Variants in CTNND2 observed in about 807,000 individuals in gnomAD.
CTNND2 encodes catenin delta 2.
Under a neutral mutation model 144.4 loss-of-function variants are expected in CTNND2, and 22 were observed. The observed-to-expected ratio is 0.15, with a 90% CI of 0.11 to 0.22. The LOEUF (loss-of-function observed/expected upper bound fraction) is 0.22. Among genes scored for constraint, CTNND2 ranks in the 10% least tolerant of loss-of-function variants. CTNND2 has a pLI of 1.00. For synonymous variants in CTNND2, 751 were observed against 695.6 expected (o/e 1.08, Z -1.25); for missense variants, 1,353 against 1,618.8 (o/e 0.84, Z 2.82).
chr5:11,797,094 T>TAA (rs1217996167), intron 1 of CTNND2, among the ~76,000 whole-genome samples: 1 of 152,112 alleles, frequency 6.6e-6, no homozygotes, highest in African/African-American at 2.4e-5. Flanking sequence ...ATGGCAAAAT[T>TAA]AACTGAGGAA....
rs541113158 is a variant in CTNND2, at chr5:11,631,072, A to G, written c.175-66016T>C. Among the ~76,000 whole-genome samples the G allele has an allele frequency of 5.9e-5, 9 of 152,278 alleles. No homozygotes were observed. In the East Asian group the frequency reaches 1.4e-3, roughly 23 times the overall value. ...GAGATCAATTTTGATGTAGTAATAT[A>G]ATGTCACTTTTTCCCCTTAGGATTT... is the stretch of plus-strand genomic sequence containing the variant. On this transcript the variant is annotated intron_variant, in intron 2 of 21. Coordinates refer to ENST00000304623, the MANE Select transcript of CTNND2 (RefSeq NM_001332.4).
chr5:11,101,171 T>C (rs2149670186), intron 14 of CTNND2, among the ~76,000 whole-genome samples: 1 of 152,350 alleles, frequency 6.6e-6, no homozygotes, highest in Middle Eastern at 3.4e-3. Flanking sequence ...AGTAAATGTA[T>C]CTGCCAGACC....
At chr5:11,247,349 C>T (rs1743106883) in intron 9 of CTNND2, among the ~76,000 whole-genome samples, 1 of 152,044 alleles carries the variant, frequency 6.6e-6, no homozygotes, top group Non-Finnish European at 1.5e-5. Context: ...AGAAAGAGGC[C>T]CTCTGTGAGA....
intron 8 of CTNND2, among the ~76,000 whole-genome samples, chr5:11,361,145 C>T (rs572748184): frequency 9.9e-5 from 15 of 152,226 alleles, no homozygotes; most frequent in African/African-American, 2.6e-4. Flanking sequence ...CTCAGCATCC[C>T]GAGTAGCTGG....
chr5:11,603,401 C>A (rs1779898798), intron 2 of CTNND2, among the ~76,000 whole-genome samples: 1 of 152,170 alleles, frequency 6.6e-6, no homozygotes, highest in Admixed American at 6.6e-5. Context: ...CAATTTTCAA[C>A]TTTGCTGCCC....
intron 9 of CTNND2, among the ~76,000 whole-genome samples, chr5:11,295,388 G>A (rs185765237): frequency 0.076 from 11,622 of 151,950 alleles, 562 homozygotes; most frequent in Admixed American, 0.12. Context: ...AATCAATATC[G>A]TGAAAATGGC....
intron 2 of CTNND2, among the ~76,000 whole-genome samples, chr5:11,578,706 G>T (rs866770584): frequency 2.5e-5 from 3 of 120,288 alleles, no homozygotes; most frequent in Admixed American, 8.1e-5. Flanking sequence ...TAAATAAATA[G>T]AGTAGTGAAC....
At chr5:11,836,466 T>C (rs1248739892) in intron 1 of CTNND2, among the ~76,000 whole-genome samples, 2 of 151,996 alleles carry the variant, frequency 1.3e-5, no homozygotes, top group Admixed American at 6.6e-5. Context: ...CATGACACTA[T>C]GGTTCTGCAA....
At chr5:11,325,662 G>A (rs912819986) in intron 9 of CTNND2, among the ~76,000 whole-genome samples, 1 of 152,064 alleles carries the variant, frequency 6.6e-6, no homozygotes, top group African/African-American at 2.4e-5. Context: ...GGACCCTACA[G>A]GAGCCTTGAA....
intron 2 of CTNND2, among the ~76,000 whole-genome samples, chr5:11,614,256 T>C (rs1384318160): frequency 6.9e-4 from 105 of 152,338 alleles, no homozygotes; most frequent in Non-Finnish European, 8.8e-5. Context: ...AAATAAAATA[T>C]CTTTAATTTA....
chr5:11,815,938 T>C (rs1792609175), intron 1 of CTNND2, among the ~76,000 whole-genome samples: 1 of 152,150 alleles, frequency 6.6e-6, no homozygotes, highest in Admixed American at 6.5e-5. Context: ...GTCTCCAAGA[T>C]ACCCACTGAG....
chr5:11,357,688 T>A (rs113344334), intron 8 of CTNND2, among the ~76,000 whole-genome samples: 11 of 152,232 alleles, frequency 7.2e-5, no homozygotes, highest in African/African-American at 2.6e-4. Flanking sequence ...GGCTTTTGAA[T>A]GTTCTCACCA....
At chr5:11,469,272 A>G (rs553496527) in intron 3 of CTNND2, among the ~76,000 whole-genome samples, 18 of 152,186 alleles carry the variant, frequency 1.2e-4, no homozygotes, top group Non-Finnish European at 2.1e-4. Context: ...TGGAAATCAG[A>G]TATGTATTAA....
chr5:11,467,136 G>A (rs1176870841), intron 3 of CTNND2, among the ~76,000 whole-genome samples: 1 of 152,236 alleles, frequency 6.6e-6, no homozygotes, highest in African/African-American at 2.4e-5. Flanking sequence ...TCATCTGTAA[G>A]AGATCCATAG....
intron 3 of CTNND2, among the ~76,000 whole-genome samples, chr5:11,474,569 G>C (rs899186571): frequency 6.6e-6 from 1 of 152,140 alleles, no homozygotes; most frequent in Admixed American, 6.5e-5. Flanking sequence ...TTTTCTTTAA[G>C]GGTAAATCAG....
intron 16 of CTNND2, among the ~76,000 whole-genome samples, chr5:11,060,464 T>C (rs1860241): frequency 0.76 from 115,230 of 152,018 alleles, 44,283 homozygotes; most frequent in East Asian, 0.92. Context: ...ATGTGACCAT[T>C]CGGAATAATA....
chr5:11,250,709 G>A (rs1042656206), intron 9 of CTNND2, among the ~76,000 whole-genome samples: 1 of 151,562 alleles, frequency 6.6e-6, no homozygotes, highest in African/African-American at 2.4e-5. Context: ...TACAGACAGG[G>A]TCTCACTAGG....
At chr5:10,975,220 C>T (rs61752736) in intron 21 of CTNND2, among the ~76,000 whole-genome samples, 32 of 152,262 alleles carry the variant, frequency 2.1e-4, no homozygotes, top group African/African-American at 7.0e-4. Flanking sequence ...TGCTGAACTC[C>T]ACTCCAACAC....
intron 3 of CTNND2, among the ~76,000 whole-genome samples, chr5:11,536,670 A>C (rs1774243597): frequency 6.6e-6 from 1 of 152,110 alleles, no homozygotes. Flanking sequence ...GTTGGAGTTA[A>C]GCTATGAGGA....
Sources: gnomAD v4.1 joint callset for allele counts (sites outside exome capture counted in the v4.1 genomes callset) on GRCh38, gnomAD v4.1.1 for gene constraint, MANE v1.5 for transcripts, NCBI Gene and HGNC (gene_info 2026-07-23, HGNC 2026-07-21) for gene names.